The following GRID1 variants were observed in gnomAD, a reference collection of about 807,000 sequenced individuals.
The protein encoded by GRID1 is glutamate receptor ionotropic, delta-1.
Under a neutral mutation model 98.0 loss-of-function variants are expected in GRID1, and 28 were observed. That is an observed-to-expected ratio of 0.29 (90% CI 0.21 to 0.39). The LOEUF is 0.39. Ranked by LOEUF, GRID1 falls within the 10% of genes least tolerant of loss-of-function variation. The pLI, the probability that GRID1 is intolerant of heterozygous loss-of-function variation, is 1.00. For missense variants in GRID1, 1,111 were observed against 1,340.5 expected (o/e 0.83, Z 2.67); for synonymous variants, 553 against 538.5 (o/e 1.03, Z -0.37).
chr10:85,965,744 C>T (rs953745427), intron 4 of GRID1, among the ~76,000 whole-genome samples: 5 of 151,976 alleles, frequency 3.3e-5, no homozygotes, highest in Admixed American at 6.6e-5. Context: ...ATGTAACAAA[C>T]CTGCGTGTTC....
intron 8 of GRID1, among the ~76,000 whole-genome samples, chr10:85,821,660 A>G (rs563318922): frequency 5.7e-4 from 86 of 152,144 alleles, no homozygotes; most frequent in Non-Finnish European, 9.4e-4. Flanking sequence ...CGTAACAAAA[A>G]TTTGGGTGTC....
intron 2 of GRID1, among the ~76,000 whole-genome samples, chr10:86,300,361 G>A (rs1244533216): frequency 1.3e-5 from 2 of 151,194 alleles, no homozygotes; most frequent in African/African-American, 2.4e-5. Flanking sequence ...CAGCTACTCA[G>A]AAGGCTGAAG....
intron 4 of GRID1, among the ~76,000 whole-genome samples, chr10:86,023,108 C>T (rs1222516986): frequency 2.6e-5 from 4 of 152,002 alleles, no homozygotes; most frequent in East Asian, 3.9e-4. Flanking sequence ...CCTGTAACTC[C>T]TCACGCTGCC....
At chr10:86,349,822 C>G (rs1259655617) in intron 2 of GRID1, among the ~76,000 whole-genome samples, 2 of 152,214 alleles carry the variant, frequency 1.3e-5, no homozygotes, top group Admixed American at 6.5e-5. Flanking sequence ...CACCTCCAAC[C>G]AGCCACATAC....
intron 4 of GRID1, among the ~76,000 whole-genome samples, chr10:86,006,830 A>C (rs958975770): frequency 2.0e-5 from 3 of 151,206 alleles, no homozygotes; most frequent in African/African-American, 7.3e-5. Context: ...TTCGGGTGTC[A>C]CTGAAGTGGG....
At chr10:85,879,593 A>G (rs1840967246) in intron 5 of GRID1, among the ~76,000 whole-genome samples, 1 of 152,200 alleles carries the variant, frequency 6.6e-6, no homozygotes, top group African/African-American at 2.4e-5. Context: ...GACAAAACAT[A>G]CGAGAATCTC....
intron 12 of GRID1, among the ~76,000 whole-genome samples, chr10:85,706,343 G>T (rs936263174): frequency 6.6e-6 from 1 of 152,182 alleles, no homozygotes; most frequent in Non-Finnish European, 1.5e-5. Context: ...GCCAAATCAT[G>T]AGTGAACTCC....
chr10:86,159,729 G>A (rs1564693002), intron 3 of GRID1, among the ~76,000 whole-genome samples: 1 of 152,196 alleles, frequency 6.6e-6, no homozygotes, highest in Non-Finnish European at 1.5e-5. Flanking sequence ...GGCTAAGTCA[G>A]CCAGGGTTCA....
intron 4 of GRID1, among the ~76,000 whole-genome samples, chr10:85,953,378 G>C (rs1842149776): frequency 6.6e-6 from 1 of 152,146 alleles, no homozygotes; most frequent in African/African-American, 2.4e-5. Context: ...GTGGAAGGTA[G>C]GGCAGGGAGA....
chr10:85,837,896 G>A (rs1303856304), intron 8 of GRID1, among the ~76,000 whole-genome samples: 4 of 152,170 alleles, frequency 2.6e-5, no homozygotes, highest in South Asian at 4.1e-4. Context: ...GAAACCCAAC[G>A]TAAGGAAGGT....
intron 8 of GRID1, among the ~76,000 whole-genome samples, chr10:85,828,179 G>A (rs544273777): frequency 1.5e-3 from 221 of 152,252 alleles, no homozygotes; most frequent in Non-Finnish European, 2.7e-3. Flanking sequence ...ACCTGCTCCC[G>A]AATGCCATTT....
At chr10:85,686,698 G>A (rs2132604631) in intron 12 of GRID1, among the ~76,000 whole-genome samples, 1 of 151,908 alleles carries the variant, frequency 6.6e-6, no homozygotes, top group Admixed American at 6.6e-5. Context: ...AAGATATTAA[G>A]AAATTAAGAG....
intron 4 of GRID1, among the ~76,000 whole-genome samples, chr10:86,125,107 C>T (rs1314992542): frequency 6.6e-6 from 1 of 152,242 alleles, no homozygotes; most frequent in Non-Finnish European, 1.5e-5. Context: ...CATGGACAGG[C>T]TCCCTGGACG....
intron 14 of GRID1, among the ~76,000 whole-genome samples, chr10:85,618,011 C>G (rs901648911): frequency 2.0e-5 from 3 of 152,194 alleles, no homozygotes; most frequent in South Asian, 2.1e-4. Context: ...GCAGCCACAC[C>G]CCTCCCCACT....
chr10:86,061,269 C>T (rs1843644798), intron 4 of GRID1, among the ~76,000 whole-genome samples: 1 of 152,200 alleles, frequency 6.6e-6, no homozygotes, highest in Admixed American at 6.5e-5. Context: ...TAACAACTCC[C>T]AGCTCCCACT....
rs115178954 is a variant in GRID1 at position 86,364,778 on chromosome 10, G to C, written c.80-682C>G. Reference sequence around the variant, plus strand: ...AGGGGAGTGGGGGAAGGGGACTTGTGTCCTAGGCGCCTCCACGTTCAGATC... The same window carrying C: ...AGGGGAGTGGGGGAAGGGGACTTGTCTCCTAGGCGCCTCCACGTTCAGATC... On this transcript the variant is annotated intron_variant, in intron 1 of 15. Transcript: ENST00000327946. Among the ~76,000 whole-genome samples the C allele has an allele frequency of 8.6e-3, 1,307 of 152,370 alleles. 20 individuals are homozygous for C. Among genetic ancestry groups the C allele is most frequent in the Middle Eastern group, 0.044 (13 of 294 alleles).
rs140448133 is a variant in GRID1, at chr10:86,005,093, T to G, written c.727-88854A>C. Among the ~76,000 whole-genome samples, 248 of 152,266 alleles carry G rather than the reference T, an allele frequency of 1.6e-3. 1 individual carries two copies. Among genetic ancestry groups the G allele is most frequent in the Non-Finnish European group, 2.8e-3 (191 of 68,030 alleles). ...AAGTATATGGCAAGGACCTGGATGG[T>G]GGGCATGCCTCAGCTCTGCTAGCAA... On this transcript the variant is annotated intron_variant, in intron 4 of 15. Coordinates refer to ENST00000327946, the MANE Select transcript of GRID1 (RefSeq NM_017551.3).
At chr10:86,033,139 G>A (rs562830101) in intron 4 of GRID1, among the ~76,000 whole-genome samples, 3 of 152,100 alleles carry the variant, frequency 2.0e-5, no homozygotes, top group African/African-American at 4.8e-5. Context: ...TCTTTCTTCA[G>A]TAACGAATTG....
At chr10:85,894,608 G>A (rs1163276531) in intron 5 of GRID1, among the ~76,000 whole-genome samples, 1 of 152,172 alleles carries the variant, frequency 6.6e-6, no homozygotes, top group African/African-American at 2.4e-5. Context: ...TTATCAGATT[G>A]TGCAGGTTTT....
Sources: gnomAD v4.1 joint callset for allele counts (sites outside exome capture counted in the v4.1 genomes callset) on GRCh38, gnomAD v4.1.1 for gene constraint, MANE v1.5 for transcripts, NCBI Gene and HGNC (gene_info 2026-07-23, HGNC 2026-07-21) for gene names.